GLIS3: variants seen among roughly 807,000 people sequenced by gnomAD.
The protein encoded by GLIS3 is GLIS family zinc finger 3.
In GLIS3, 53 loss-of-function variants were observed where a neutral mutation model predicts 78.6. That is an observed-to-expected ratio of 0.67 (90% CI 0.54 to 0.85). The LOEUF (loss-of-function observed/expected upper bound fraction) is 0.85. Among genes scored for constraint, GLIS3 ranks in the 40% least tolerant of loss-of-function variants. The probability of loss-of-function intolerance (pLI) is 0.00; values close to 1 mark genes in which losing one functional copy is unlikely to be tolerated. For synonymous variants in GLIS3, 684 were observed against 509.9 expected, an observed-to-expected ratio of 1.34 and a Z score of -4.60; for missense variants, 1,703 against 1,231.1, an observed-to-expected ratio of 1.38 and a Z score of -5.74.
chr9:4,332,505 C>G (rs918738022), intron 2 of GLIS3, among the ~76,000 whole-genome samples: 3 of 152,226 alleles, frequency 2.0e-5, no homozygotes, highest in Non-Finnish European at 4.4e-5. Flanking sequence ...CTTCCTCTCT[C>G]CCGTCTTGCT....
At chr9:4,464,787 G>T in the GLIS3 span, among the ~76,000 whole-genome samples, 1 of 152,062 alleles carries the variant, frequency 6.6e-6, no homozygotes, top group South Asian at 2.1e-4. Context: ...TATAGAAGAA[G>T]AAAAAAATTG....
At chr9:4,390,946 T>C in the GLIS3 span, among the ~76,000 whole-genome samples, 1 of 152,162 alleles carries the variant, frequency 6.6e-6, no homozygotes, top group Admixed American at 6.5e-5. Flanking sequence ...GGGAAACAAG[T>C]TCTCCACATT....
intron 2 of GLIS3, among the ~76,000 whole-genome samples, chr9:4,136,656 A>G (rs1013354736): frequency 1.3e-5 from 2 of 152,216 alleles, no homozygotes; most frequent in Non-Finnish European, 2.9e-5. Flanking sequence ...GAATGAGCAC[A>G]CAAATGAGAA....
chr9:4,316,126 C>A (rs1817433468), intron 2 of GLIS3, among the ~76,000 whole-genome samples: 1 of 152,176 alleles, frequency 6.6e-6, no homozygotes, highest in South Asian at 2.1e-4. Flanking sequence ...ACACACCTCT[C>A]CTAATGCCAC....
the GLIS3 span, among the ~76,000 whole-genome samples, chr9:4,360,362 G>T: frequency 0.02 from 3,044 of 152,204 alleles, 106 homozygotes; most frequent in African/African-American, 0.07. Context: ...AACCCTCCCA[G>T]CCAAAGTCCA....
At chr9:4,094,513 A>C (rs1164929157) in intron 4 of GLIS3, among the ~76,000 whole-genome samples, 2 of 152,222 alleles carry the variant, frequency 1.3e-5, no homozygotes, top group Non-Finnish European at 2.9e-5. Context: ...TTAGATTAGT[A>C]ACATTTTACA....
At chr9:4,007,907 G>A (rs978741513) in intron 4 of GLIS3, among the ~76,000 whole-genome samples, 17 of 149,126 alleles carry the variant, frequency 1.1e-4, no homozygotes, top group Non-Finnish European at 1.5e-4. Flanking sequence ...TGGGGGGGGG[G>A]GGTTACTCCA....
chr9:3,979,819 C>T (rs1237428951), intron 4 of GLIS3, among the ~76,000 whole-genome samples: 1 of 152,128 alleles, frequency 6.6e-6, no homozygotes, highest in Non-Finnish European at 1.5e-5. Flanking sequence ...TTATTAAGTT[C>T]CAGATGGTAT....
chr9:4,021,573 C>T (rs956520365), intron 4 of GLIS3, among the ~76,000 whole-genome samples: 1 of 152,100 alleles, frequency 6.6e-6, no homozygotes, highest in African/African-American at 2.4e-5. Flanking sequence ...ATATAAGCAT[C>T]CATTGTACAT....
chr9:3,949,739 T>G (rs796949618), intron 4 of GLIS3, among the ~76,000 whole-genome samples: 5 of 152,334 alleles, frequency 3.3e-5, no homozygotes, highest in African/African-American at 1.2e-4. Context: ...GGAAAAATAA[T>G]AAATCAATGG....
At chr9:4,167,021 A>G (rs74384784) in intron 2 of GLIS3, among the ~76,000 whole-genome samples, 5,849 of 152,172 alleles carry the variant, frequency 0.038, 151 homozygotes, top group Middle Eastern at 0.095. Flanking sequence ...TGGATATAAG[A>G]AAGACAGACG....
At chr9:3,955,545 A>G (rs965320850) in intron 4 of GLIS3, among the ~76,000 whole-genome samples, 2 of 152,164 alleles carry the variant, frequency 1.3e-5, no homozygotes, top group African/African-American at 4.8e-5. Flanking sequence ...TAAAAACATC[A>G]TACCAATGAA....
chr9:3,906,264 T>C lies in GLIS3; in HGVS notation c.1984-7429A>G, dbSNP rs1454328867. Among the ~76,000 whole-genome samples, 5 of 152,220 alleles carry C rather than the reference T, an allele frequency of 3.3e-5. No homozygotes were observed. The East Asian group carries it at 9.6e-4, about 29-fold the overall frequency. On this transcript the variant is annotated intron_variant, in intron 6 of 10. Coordinates refer to ENST00000381971, the MANE Select transcript of GLIS3 (RefSeq NM_001042413.2). ...CTTATAAAAGATTCACTCTGATTAC[T>C]GTGCAGAATACCGGAAGAGGACAAG...
Position 3,840,344 on chromosome 9 carries a change from G to C in GLIS3, c.2474-10852C>G, listed in dbSNP as rs1588063267. 3.9e-5 allele frequency among the ~76,000 whole-genome samples: 6 copies of C among 152,222 alleles called. 1 individual carries two copies. In the South Asian group the frequency reaches 1.2e-3, roughly 32 times the overall value. On this transcript the variant is annotated intron_variant, in intron 9 of 10. Coordinates refer to ENST00000381971, the MANE Select transcript of GLIS3 (RefSeq NM_001042413.2). ...GTTATCATTTTTGCCTTGGCTGCTT[G>C]TCTTGGCCATCAGTACCATCCAGCT...
chr9:4,270,488 C>T (rs769072842), intron 2 of GLIS3, among the ~76,000 whole-genome samples: 3 of 152,098 alleles, frequency 2.0e-5, no homozygotes, highest in Admixed American at 6.5e-5. Context: ...AAGGCTCAAA[C>T]GGGGAAGCAT....
intron 2 of GLIS3, among the ~76,000 whole-genome samples, chr9:4,343,477 A>C (rs1817862211): frequency 6.6e-6 from 1 of 152,252 alleles, no homozygotes; most frequent in African/African-American, 2.4e-5. Flanking sequence ...AATGTAAACT[A>C]GTTCAGCTAC....
the GLIS3 span, among the ~76,000 whole-genome samples, chr9:4,448,917 T>G: frequency 3.9e-5 from 6 of 152,154 alleles, no homozygotes; most frequent in Non-Finnish European, 5.9e-5. Flanking sequence ...CAGAAGACAG[T>G]GATTTCTGCA....
upstream of GLIS3, among the ~76,000 whole-genome samples, chr9:4,303,129 C>CACTT (rs56105893): frequency 0.78 from 118,077 of 151,902 alleles, 48,880 homozygotes; most frequent in South Asian, 0.94. Flanking sequence ...GACAGTAAAC[C>CACTT]ACTTACAAAC....
rs944968241 is a variant in GLIS3, at chr9:3,825,218, G to A, written c.*3054C>T. 6.6e-6 allele frequency: 1 copy of A among 152,132 alleles called. No individual in the cohort carries two copies. The highest frequency in any genetic ancestry group is 1.5e-5 in the Non-Finnish European group (1 of 68,032). 9.4% of individuals were successfully genotyped at this position (152,132 alleles called of 1,614,324 possible). A position where few individuals can be genotyped will look rare whatever the true frequency, so the allele number is the denominator to read the frequency against. ...CACTCTTATCAGTGGTAACTCTGCTGTGATCTACTAAAGACCTTTTTTTTT... is the reference window on the plus strand; with the variant it reads ...CACTCTTATCAGTGGTAACTCTGCTATGATCTACTAAAGACCTTTTTTTTT... On this transcript the variant is annotated 3_prime_UTR_variant, in exon 11 of 11. Transcript: ENST00000381971.
Sources: gnomAD v4.1 joint callset for allele counts (sites outside exome capture counted in the v4.1 genomes callset) on GRCh38, gnomAD v4.1.1 for gene constraint, MANE v1.5 for transcripts, NCBI Gene and HGNC (gene_info 2026-07-23, HGNC 2026-07-21) for gene names.